SAMD12: variants seen among roughly 807,000 people sequenced by gnomAD.
SAMD12 encodes the protein sterile alpha motif domain-containing protein 12.
Under a neutral mutation model 15.0 loss-of-function variants are expected in SAMD12, and 9 were observed. That is an observed-to-expected ratio of 0.60 (90% CI 0.36 to 1.05). The LOEUF (loss-of-function observed/expected upper bound fraction) is 1.05, where lower values mean the gene tolerates loss of function less well. SAMD12 is among the 50% of genes least tolerant of loss of function. The pLI is 0.01. For missense variants in SAMD12, 230 were observed against 234.2 expected, an observed-to-expected ratio of 0.98 and a Z score of 0.12; for synonymous variants, 86 against 90.1, an observed-to-expected ratio of 0.96 and a Z score of 0.25.
intron 1 of SAMD12, among the ~76,000 whole-genome samples, chr8:118,582,070 A>G (rs1827308914): frequency 6.6e-6 from 1 of 152,104 alleles, no homozygotes; most frequent in South Asian, 2.1e-4. Flanking sequence ...TCTTTGCCTC[A>G]TCTTTGCCAG....
intron 3 of SAMD12, among the ~76,000 whole-genome samples, chr8:118,420,405 T>C (rs1821942241): frequency 6.6e-6 from 1 of 152,198 alleles, no homozygotes; most frequent in South Asian, 2.1e-4. Flanking sequence ...GAGAAGCACA[T>C]GGGACCAGAT....
rs142485425 is a variant in SAMD12, at chr8:118,531,267, T to C, written c.192+49448A>G. Among the ~76,000 whole-genome samples, 282 of 152,360 alleles carry C rather than the reference T, an allele frequency of 1.9e-3. 1 individual carries two copies. The highest frequency in any genetic ancestry group is 5.5e-3 in the African/African-American group (227 of 41,588). On this transcript the variant is annotated intron_variant, in intron 2 of 3. Coordinates refer to ENST00000314727, the MANE Select transcript of SAMD12 (RefSeq NM_207506.3). ...TATGTGGTATTATTTCTGAGGCTTC[T>C]ATTCTGTTCCATTGGTCTATATCTC...
chr8:118,231,630 T>A (rs1812311490), intron 4 of SAMD12, among the ~76,000 whole-genome samples: 2 of 152,160 alleles, frequency 1.3e-5, no homozygotes, highest in Non-Finnish European at 2.9e-5. Flanking sequence ...ATGCCCTAAG[T>A]TTTTTAAAAC....
At chr8:118,462,856 A>T (rs1412212766) in intron 2 of SAMD12, among the ~76,000 whole-genome samples, 1 of 152,060 alleles carries the variant, frequency 6.6e-6, no homozygotes, top group Non-Finnish European at 1.5e-5. Context: ...TAATCCCAGC[A>T]CTTTGGGAGG....
chr8:118,609,040 CT>C (rs1365066387), intron 1 of SAMD12, among the ~76,000 whole-genome samples: 3 of 152,142 alleles, frequency 2.0e-5, no homozygotes, highest in Non-Finnish European at 4.4e-5. Flanking sequence ...CCAAACATTT[CT>C]AAAATAAAAC....
chr8:118,296,742 A>G (rs1814734434), intron 4 of SAMD12, among the ~76,000 whole-genome samples: 1 of 152,224 alleles, frequency 6.6e-6, no homozygotes, highest in African/African-American at 2.4e-5. Flanking sequence ...TGCATTTGCC[A>G]TCTTGTGTTA....
At chr8:118,323,667 G>C (rs924275159) in intron 4 of SAMD12, among the ~76,000 whole-genome samples, 2 of 152,142 alleles carry the variant, frequency 1.3e-5, no homozygotes, top group East Asian at 1.9e-4. Context: ...TACTCAAGAG[G>C]CTGAGGTGGG....
chr8:118,232,416 G>A (rs1812332425), intron 4 of SAMD12, among the ~76,000 whole-genome samples: 1 of 152,140 alleles, frequency 6.6e-6, no homozygotes, highest in African/African-American at 2.4e-5. Flanking sequence ...GAAAGAACAT[G>A]GGGTATTTGA....
At chr8:118,200,373 T>C (rs1451477776) in intron 4 of SAMD12, among the ~76,000 whole-genome samples, 4 of 123,514 alleles carry the variant, frequency 3.2e-5, no homozygotes, top group Non-Finnish European at 6.4e-5. Context: ...ACAAGCCCAA[T>C]CAGCACGATG....
chr8:118,335,145 A>G (rs1314880789), intron 4 of SAMD12, among the ~76,000 whole-genome samples: 3 of 152,160 alleles, frequency 2.0e-5, no homozygotes, highest in East Asian at 1.9e-4. Flanking sequence ...CAGTGAAGGC[A>G]CAGCCACCAC....
chr8:118,522,487 G>A (rs113242044), intron 2 of SAMD12, among the ~76,000 whole-genome samples: 2 of 152,042 alleles, frequency 1.3e-5, no homozygotes, highest in East Asian at 1.9e-4. Flanking sequence ...AATCATACTC[G>A]GTCAGCAAAC....
intron 4 of SAMD12, among the ~76,000 whole-genome samples, chr8:118,347,219 G>A (rs985888612): frequency 2.0e-5 from 3 of 152,178 alleles, no homozygotes; most frequent in Non-Finnish European, 4.4e-5. Context: ...ATGAGCCACT[G>A]GGCCCAGTCT....
intron 3 of SAMD12, among the ~76,000 whole-genome samples, chr8:118,417,020 TGAAGAA>T (rs1821731067): frequency 1.3e-5 from 2 of 152,190 alleles, no homozygotes; most frequent in Admixed American, 1.3e-4. Context: ...ACTAGGTTAA[TGAAGAA>T]ATGTAGTGAA....
chr8:118,170,456 C>T, the SAMD12 span, among the ~76,000 whole-genome samples: 2 of 152,100 alleles, frequency 1.3e-5, no homozygotes, highest in South Asian at 2.1e-4. Context: ...CAACCAATAA[C>T]AGATCAATTT....
At chr8:118,472,408 TTGG>T (rs1351088081) in intron 2 of SAMD12, among the ~76,000 whole-genome samples, 1 of 152,022 alleles carries the variant, frequency 6.6e-6, no homozygotes, top group African/African-American at 2.4e-5. Flanking sequence ...ATAAAGAGGC[TTGG>T]TGCAGTGGCT....
At chr8:118,558,084 A>G (rs1826593646) in intron 2 of SAMD12, among the ~76,000 whole-genome samples, 1 of 152,160 alleles carries the variant, frequency 6.6e-6, no homozygotes, top group Non-Finnish European at 1.5e-5. Context: ...TACAATTAAC[A>G]TCTCTGTAAA....
chr8:118,280,788 G>A (rs1813607872), intron 4 of SAMD12, among the ~76,000 whole-genome samples: 2 of 152,102 alleles, frequency 1.3e-5, no homozygotes, highest in Admixed American at 1.3e-4. Flanking sequence ...TATGCACTGG[G>A]CCTCCAGCAT....
chr8:118,395,170 A>C (rs1266657079), intron 3 of SAMD12, among the ~76,000 whole-genome samples: 1 of 152,234 alleles, frequency 6.6e-6, no homozygotes, highest in Non-Finnish European at 1.5e-5. Flanking sequence ...GCTGAGGGCT[A>C]GCTACAGGTG....
intron 4 of SAMD12, among the ~76,000 whole-genome samples, chr8:118,267,384 A>G (rs1813229775): frequency 6.6e-6 from 1 of 152,156 alleles, no homozygotes; most frequent in African/African-American, 2.4e-5. Flanking sequence ...AATAAAACCA[A>G]GAGTGGAGGA....
Sources: allele counts gnomAD v4.1 joint callset (sites outside exome capture counted in the v4.1 genomes callset), GRCh38; gene constraint gnomAD v4.1.1; transcripts MANE v1.5; gene names NCBI Gene and HGNC (gene_info 2026-07-23, HGNC 2026-07-21).